The following INPP4B variants were observed in gnomAD, a reference collection of about 807,000 sequenced individuals.
INPP4B encodes inositol polyphosphate-4-phosphatase type II B.
In INPP4B, 55 loss-of-function variants were observed where a neutral mutation model predicts 122.5. That is an observed-to-expected ratio of 0.45 (90% CI 0.36 to 0.56). The LOEUF (loss-of-function observed/expected upper bound fraction) is 0.56, where lower values mean the gene tolerates loss of function less well. INPP4B is among the 20% of genes least tolerant of loss of function. The pLI, the probability that INPP4B is intolerant of heterozygous loss-of-function variation, is 0.00. For synonymous variants in INPP4B, 403 were observed against 388.7 expected (o/e 1.04, Z -0.43); for missense variants, 1,000 against 1,097.7 (o/e 0.91, Z 1.26).
At chr4:142,298,569 C>T (rs1416354777) in intron 9 of INPP4B, among the ~76,000 whole-genome samples, 1 of 150,310 alleles carries the variant, frequency 6.7e-6, no homozygotes, top group Admixed American at 6.7e-5. Flanking sequence ...CCTATAATCC[C>T]AGCTACTCTG....
Position 142,145,922 on chromosome 4 carries a change from A to G in INPP4B, c.1638T>C (p.Asp546=), listed in dbSNP as rs1810452485. Residue 546 remains aspartate, a synonymous_variant, in exon 18 of 26, where the codon GAT becomes GAC. Transcript: ENST00000262992. ...IAMVDKLIER[D]GGSEGSGGNN... The stretch of plus-strand genomic sequence containing the variant: ...TGCCGCCACTGCCTTCACTGCCACC[A>G]TCTCTTTCAATCAGTTTGTCCACCA... 1.9e-6 allele frequency: 3 copies of G among 1,613,908 alleles called. No homozygotes were observed. The highest frequency in any genetic ancestry group is 2.7e-5 in the African/African-American group (2 of 75,028).
intron 1 of INPP4B, among the ~76,000 whole-genome samples, chr4:142,768,705 C>T (rs1277559202): frequency 6.6e-6 from 1 of 152,118 alleles, no homozygotes; most frequent in Non-Finnish European, 1.5e-5. Context: ...AAGCAAGTCA[C>T]AGAAACAAGA....
chr4:142,318,449 G>C (rs530670327), intron 7 of INPP4B, among the ~76,000 whole-genome samples: 50 of 152,306 alleles, frequency 3.3e-4, no homozygotes, highest in Admixed American at 5.2e-4. Flanking sequence ...CACCGACAAT[G>C]TCATGCCTCC....
intron 3 of INPP4B, among the ~76,000 whole-genome samples, chr4:142,450,924 A>G (rs1370082455): frequency 6.6e-6 from 1 of 152,010 alleles, no homozygotes; most frequent in Non-Finnish European, 1.5e-5. Flanking sequence ...GAAGACATGT[A>G]TCTTATATTT....
chr4:142,481,282 G>A (rs995642151), intron 2 of INPP4B, among the ~76,000 whole-genome samples: 2 of 151,790 alleles, frequency 1.3e-5, no homozygotes, highest in Non-Finnish European at 2.9e-5. Flanking sequence ...AAATATTTCC[G>A]GTACCCCTAA....
rs762701115 is a variant in INPP4B at position 142,122,265 on chromosome 4, C to T, written c.2018-20G>A. Reference sequence around the variant, plus strand: ...CATCGCCTAAACAATAGAAAAGGCACTTAGCTACAAACAAACATTTGAGGA... The same window carrying T: ...CATCGCCTAAACAATAGAAAAGGCATTTAGCTACAAACAAACATTTGAGGA... On this transcript the variant is annotated intron_variant, in intron 20 of 25. Coordinates refer to ENST00000262992, the MANE Select transcript of INPP4B (RefSeq NM_001101669.3). 3 of 1,534,198 alleles carry T rather than the reference C, an allele frequency of 2.0e-6. No individual in the cohort carries two copies. Among genetic ancestry groups the T allele is most frequent in the East Asian group, 2.3e-5 (1 of 43,976 alleles).
chr4:142,415,284 G>A (rs1805451412), intron 5 of INPP4B, among the ~76,000 whole-genome samples: 1 of 152,130 alleles, frequency 6.6e-6, no homozygotes, highest in South Asian at 2.1e-4. Context: ...TACAGGAAGG[G>A]TGGCAGGAAA....
intron 3 of INPP4B, among the ~76,000 whole-genome samples, chr4:142,448,394 A>C (rs1813405568): frequency 1.3e-5 from 2 of 151,804 alleles, no homozygotes; most frequent in Admixed American, 6.6e-5. Flanking sequence ...GTAAACTTTC[A>C]ATAGTGAAGC....
intron 25 of INPP4B, among the ~76,000 whole-genome samples, chr4:142,056,448 C>A: frequency 6.6e-6 from 1 of 151,976 alleles, no homozygotes; most frequent in East Asian, 1.9e-4. Flanking sequence ...TCAGGGAAAC[C>A]TTTGATTAGG....
Position 142,217,227 on chromosome 4 carries a change from T to G in INPP4B, c.837-8201A>C, listed in dbSNP as rs3775675. On this transcript the variant is annotated intron_variant, in intron 12 of 25. Coordinates refer to ENST00000262992, the MANE Select transcript of INPP4B (RefSeq NM_001101669.3). ...ATTGTAGCTCTATTTAAAGCTTCTA[T>G]TTAAAACATAGCATTAAAGCCCACT... Among the ~76,000 whole-genome samples the G allele has an allele frequency of 6.7e-3, 1,022 of 152,292 alleles. 28 individuals are homozygous for G. The East Asian group carries it at 0.077, about 11-fold the overall frequency.
intron 2 of INPP4B, among the ~76,000 whole-genome samples, chr4:142,681,226 T>C (rs1398567075): frequency 1.3e-5 from 2 of 151,850 alleles, no homozygotes; most frequent in African/African-American, 2.4e-5. Flanking sequence ...CACACACTTA[T>C]GTTACCATCC....
At chr4:142,644,373 C>G (rs1751255331) in intron 2 of INPP4B, among the ~76,000 whole-genome samples, 7 of 151,820 alleles carry the variant, frequency 4.6e-5, no homozygotes, top group Admixed American at 4.6e-4. Context: ...GTCAGGATCA[C>G]TGTAGTCTGA....
chr4:142,176,171 G>A (rs917808967), intron 15 of INPP4B, among the ~76,000 whole-genome samples: 1 of 118,524 alleles, frequency 8.4e-6, no homozygotes, highest in Non-Finnish European at 1.9e-5. Flanking sequence ...AAGTTCTAGG[G>A]TACATGTGCA....
intron 11 of INPP4B, among the ~76,000 whole-genome samples, chr4:142,257,646 A>G (rs1280179220): frequency 6.6e-6 from 1 of 152,212 alleles, no homozygotes; most frequent in East Asian, 1.9e-4. Flanking sequence ...TCCAACTTAC[A>G]AGGGATGTGA....
chr4:142,447,027 T>C (rs1321042686), intron 3 of INPP4B, among the ~76,000 whole-genome samples: 1 of 152,210 alleles, frequency 6.6e-6, no homozygotes, highest in African/African-American at 2.4e-5. Flanking sequence ...AAGTTTTTCT[T>C]TATATCTGTT....
chr4:142,776,591 A>G (rs1044199920), intron 1 of INPP4B, among the ~76,000 whole-genome samples: 2 of 152,194 alleles, frequency 1.3e-5, no homozygotes, highest in Non-Finnish European at 2.9e-5. Context: ...GCAAACAGGA[A>G]GTATTTCTAC....
At chr4:142,708,422 C>G (rs1762709241) in intron 2 of INPP4B, among the ~76,000 whole-genome samples, 1 of 152,126 alleles carries the variant, frequency 6.6e-6, no homozygotes, top group African/African-American at 2.4e-5. Flanking sequence ...TTCAAGGCAG[C>G]CTCTCCCATC....
chr4:142,803,902 C>A (rs1470561517), intron 1 of INPP4B, among the ~76,000 whole-genome samples: 1 of 151,528 alleles, frequency 6.6e-6, no homozygotes, highest in Non-Finnish European at 1.5e-5. Context: ...ACTAAAAATA[C>A]AAAAAAATTA....
intron 2 of INPP4B, among the ~76,000 whole-genome samples, chr4:142,559,349 T>C (rs1288909081): frequency 6.6e-6 from 1 of 152,166 alleles, no homozygotes; most frequent in East Asian, 1.9e-4. Context: ...GGCTTGAGAA[T>C]TATTCAAATT....
Sources: allele counts gnomAD v4.1 joint callset (sites outside exome capture counted in the v4.1 genomes callset), GRCh38; gene constraint gnomAD v4.1.1; transcripts MANE v1.5; gene names NCBI Gene and HGNC (gene_info 2026-07-23, HGNC 2026-07-21).